CERS6: variants seen among roughly 807,000 people sequenced by gnomAD.
The protein encoded by CERS6 is LAG1 homolog, ceramide synthase 6.
Under a neutral mutation model 56.8 loss-of-function variants are expected in CERS6, and 26 were observed. The ratio of observed to expected loss-of-function variants is 0.46; its 90% CI spans 0.34 to 0.63. The LOEUF (loss-of-function observed/expected upper bound fraction) is 0.63. CERS6 is among the 30% of genes least tolerant of loss of function. CERS6 has a pLI of 0.01. For missense variants in CERS6, 415 were observed against 467.5 expected (o/e 0.89, Z 1.04); for synonymous variants, 164 against 173.3 (o/e 0.95, Z 0.42).
chr2:168,739,978 G>C (rs1683846111), intron 8 of CERS6, among the ~76,000 whole-genome samples: 1 of 152,134 alleles, frequency 6.6e-6, no homozygotes, highest in South Asian at 2.1e-4. Context: ...CCAAATTACA[G>C]GCATGAGTCA....
intron 1 of CERS6, among the ~76,000 whole-genome samples, chr2:168,459,601 G>C (rs747507390): frequency 6.6e-6 from 1 of 151,496 alleles, no homozygotes; most frequent in Non-Finnish European, 1.5e-5. Flanking sequence ...CCACTGTAGC[G>C]ACCAATTGAT....
intron 1 of CERS6, among the ~76,000 whole-genome samples, chr2:168,459,210 C>G (rs1056044480): frequency 6.6e-6 from 1 of 152,208 alleles, no homozygotes; most frequent in Non-Finnish European, 1.5e-5. Context: ...TTATCCAAGT[C>G]TTTATTTTAC....
chr2:168,639,188 A>G (rs1376858821), intron 4 of CERS6, among the ~76,000 whole-genome samples: 5 of 152,242 alleles, frequency 3.3e-5, no homozygotes, highest in African/African-American at 4.8e-5. Context: ...TCTAATTTAT[A>G]TGCTGTGACA....
chr2:168,737,941 T>G (rs1009807340), intron 8 of CERS6, among the ~76,000 whole-genome samples: 1 of 152,200 alleles, frequency 6.6e-6, no homozygotes, highest in African/African-American at 2.4e-5. Context: ...TTTTTAAGAG[T>G]TTGAAATATG....
chr2:168,479,007 G>C (rs1216156874), intron 1 of CERS6, among the ~76,000 whole-genome samples: 1 of 152,122 alleles, frequency 6.6e-6, no homozygotes, highest in African/African-American at 2.4e-5. Context: ...TGTCAGAAAT[G>C]GGAACTCCAG....
chr2:168,701,092 T>C (rs566750860), intron 6 of CERS6, among the ~76,000 whole-genome samples: 3 of 152,178 alleles, frequency 2.0e-5, no homozygotes, highest in Non-Finnish European at 2.9e-5. Flanking sequence ...ACACTGGAGA[T>C]GGGGGCTGCT....
chr2:168,469,583 T>C (rs962539473), intron 1 of CERS6, among the ~76,000 whole-genome samples: 1 of 152,168 alleles, frequency 6.6e-6, no homozygotes, highest in Non-Finnish European at 1.5e-5. Context: ...AGTGGTGTCC[T>C]GAAGTGGGGA....
At chr2:168,581,952 G>T (rs1476446211) in intron 3 of CERS6, among the ~76,000 whole-genome samples, 1 of 152,148 alleles carries the variant, frequency 6.6e-6, no homozygotes, top group Non-Finnish European at 1.5e-5. Flanking sequence ...GATCACCCCA[G>T]ACCAAGCACA....
intron 3 of CERS6, among the ~76,000 whole-genome samples, chr2:168,579,671 G>T (rs1015234531): frequency 2.6e-5 from 4 of 152,116 alleles, no homozygotes; most frequent in African/African-American, 9.7e-5. Context: ...ATACCCACCT[G>T]GAGCTCCCAT....
chr2:168,566,668 G>A (rs1228543339), intron 3 of CERS6, among the ~76,000 whole-genome samples: 1 of 152,118 alleles, frequency 6.6e-6, no homozygotes, highest in Non-Finnish European at 1.5e-5. Context: ...GATGACAGGG[G>A]AAGGGAAGTG....
intron 1 of CERS6, among the ~76,000 whole-genome samples, chr2:168,470,212 C>CAAAAAAAAAAAAA (rs752453936): frequency 9.5e-6 from 1 of 105,676 alleles, no homozygotes. Flanking sequence ...CCAACTCTAC[C>CAAAAAAAAAAAAA]AAAAAAAAAA....
At chr2:168,457,419 T>G (rs1693692802) in intron 1 of CERS6, among the ~76,000 whole-genome samples, 1 of 152,160 alleles carries the variant, frequency 6.6e-6, no homozygotes, top group South Asian at 2.1e-4. Flanking sequence ...TGGTTGGATA[T>G]CTCCATTGTG....
intron 9 of CERS6, among the ~76,000 whole-genome samples, chr2:168,767,752 T>C (rs1277812493): frequency 6.6e-6 from 1 of 152,154 alleles, no homozygotes; most frequent in East Asian, 1.9e-4. Flanking sequence ...AGGATTCTCA[T>C]GTTAGAGTGT....
chr2:168,541,527 T>G (rs535505725), intron 1 of CERS6, among the ~76,000 whole-genome samples: 1 of 152,192 alleles, frequency 6.6e-6, no homozygotes, highest in Non-Finnish European at 1.5e-5. Context: ...AATTTTTCCT[T>G]TGCATGTCTT....
At chr2:168,710,951 A>C (rs1348390195) in intron 6 of CERS6, among the ~76,000 whole-genome samples, 1 of 152,206 alleles carries the variant, frequency 6.6e-6, no homozygotes, top group Non-Finnish European at 1.5e-5. Flanking sequence ...AGTTAGAATT[A>C]ACTGTTGGAA....
At position 168,456,645 on chromosome 2, in the gene CERS6, C is replaced by T. The variant is rs1693662095; in HGVS notation, c.170+27C>T. Reference sequence around the variant, plus strand: ...TAAGAAGGGCTGAAGCCCCTCCTCCCCTCCCCCTGCGCACACACACGCGCG... The same window carrying T: ...TAAGAAGGGCTGAAGCCCCTCCTCCTCTCCCCCTGCGCACACACACGCGCG... On this transcript the variant is annotated intron_variant, in intron 1 of 9. Transcript: ENST00000305747. This position sits in a 1 kb window ranked among gnomAD's most constrained non-coding sequence, Gnocchi z 4.1. The T allele has an allele frequency of 6.2e-7, 1 of 1,605,604 alleles. No homozygotes were observed. Among genetic ancestry groups the T allele is most frequent in the Admixed American group, 1.7e-5 (1 of 59,204 alleles).
chr2:168,547,870 G>C (rs1452124223), intron 2 of CERS6, among the ~76,000 whole-genome samples, 169 bp downstream of exon 2: 1 of 152,136 alleles, frequency 6.6e-6, no homozygotes, highest in African/African-American at 2.4e-5. Flanking sequence ...AATGAAGATG[G>C]GCTTGTCTTA....
chr2:168,628,437 G>A (rs1257299772), intron 3 of CERS6, among the ~76,000 whole-genome samples: 1 of 152,146 alleles, frequency 6.6e-6, no homozygotes, highest in Non-Finnish European at 1.5e-5. Context: ...ATCTCCAATA[G>A]CCTTGTTCTT....
intron 1 of CERS6, among the ~76,000 whole-genome samples, chr2:168,503,403 A>G (rs1468592752): frequency 6.6e-6 from 1 of 152,228 alleles, no homozygotes; most frequent in African/African-American, 2.4e-5. Context: ...GGAGGCTGCA[A>G]CAAACTATGG....
Sources: allele counts gnomAD v4.1 joint callset (sites outside exome capture counted in the v4.1 genomes callset), GRCh38; gene constraint gnomAD v4.1.1; non-coding constraint Gnocchi (gnomAD v3.1); transcripts MANE v1.5; gene names NCBI Gene and HGNC (gene_info 2026-07-23, HGNC 2026-07-21).